Variants in ANXA8 observed in about 807,000 individuals in gnomAD.
ANXA8 encodes VAC-beta.
ANXA8 carries 9 observed loss-of-function variants against 26.8 expected under a neutral mutation model. The observed-to-expected ratio is 0.34, with a 90% CI of 0.20 to 0.59. The LOEUF is 0.59. ANXA8 is among the 20% of genes least tolerant of loss of function. ANXA8 has a pLI of 0.84. For synonymous variants in ANXA8, 39 were observed against 94.8 expected, an observed-to-expected ratio of 0.41 and a Z score of 3.42; for missense variants, 83 against 238.5, an observed-to-expected ratio of 0.35 and a Z score of 4.29.
chr10:47,944,101 G>A, the ANXA8 span, among the ~76,000 whole-genome samples: 1 of 146,546 alleles, frequency 6.8e-6, no homozygotes, highest in Non-Finnish European at 1.5e-5. Flanking sequence ...ATTTCTTACA[G>A]TTCTGGAGGC....
At chr10:47,663,390 ATT>A in the ANXA8 span, among the ~76,000 whole-genome samples, 95 of 120,922 alleles carry the variant, frequency 7.9e-4, 7 homozygotes, top group African/African-American at 2.5e-3. Flanking sequence ...GTTAAAAAAA[ATT>A]TTTTTTTTTT....
At chr10:47,589,130 C>T in the ANXA8 span, 1 of 146,602 alleles carries the variant, frequency 6.8e-6, no homozygotes, top group Non-Finnish European at 1.5e-5. Context: ...TACTTTCGTA[C>T]TTCCCAAGAG....
chr10:47,777,952 C>T, the ANXA8 span, among the ~76,000 whole-genome samples: 4 of 151,654 alleles, frequency 2.6e-5, no homozygotes, highest in African/African-American at 9.7e-5. Flanking sequence ...CCACTTTTTG[C>T]AGGTGCAGGT....
At chr10:47,930,778 G>A in the ANXA8 span, among the ~76,000 whole-genome samples, 1 of 150,996 alleles carries the variant, frequency 6.6e-6, no homozygotes, top group African/African-American at 2.4e-5. Context: ...TAGTTCATCA[G>A]TGGAGAGCTG....
chr10:47,503,133 G>C, the ANXA8 span: 1 of 1,610,780 alleles, frequency 6.2e-7, no homozygotes, highest in South Asian at 1.1e-5. Context: ...ATGTCCGAAG[G>C]TCAATCTCTT....
chr10:47,939,026 AAG>A, the ANXA8 span, among the ~76,000 whole-genome samples: 1 of 144,224 alleles, frequency 6.9e-6, no homozygotes, highest in Admixed American at 6.9e-5. Context: ...CAAGCCCCAC[AAG>A]AGTGTTCTAC....
the ANXA8 span, among the ~76,000 whole-genome samples, chr10:47,646,403 T>G: frequency 2.1e-5 from 3 of 144,200 alleles, no homozygotes; most frequent in Non-Finnish European, 4.5e-5. Flanking sequence ...ATTATACATT[T>G]TTTACTCATT....
the ANXA8 span, among the ~76,000 whole-genome samples, chr10:47,672,312 G>A: frequency 2.6e-5 from 4 of 151,386 alleles, no homozygotes; most frequent in Non-Finnish European, 5.9e-5. Context: ...GAAGCACTAA[G>A]TGTACACAGA....
chr10:47,684,440 G>C, the ANXA8 span, among the ~76,000 whole-genome samples: 1 of 151,808 alleles, frequency 6.6e-6, no homozygotes, highest in Non-Finnish European at 1.5e-5. Flanking sequence ...GGGGTGAGGA[G>C]GGTAGGGTAA....
the ANXA8 span, among the ~76,000 whole-genome samples, chr10:47,681,349 T>C: frequency 6.6e-6 from 1 of 151,230 alleles, no homozygotes; most frequent in South Asian, 2.1e-4. Context: ...AAGGCGTAAG[T>C]AGCAAAGTTC....
the ANXA8 span, among the ~76,000 whole-genome samples, chr10:47,949,541 T>A: frequency 6.6e-6 from 1 of 150,634 alleles, no homozygotes; most frequent in Admixed American, 6.6e-5. Flanking sequence ...AAAAGATAAT[T>A]GATTGTTTAA....
the ANXA8 span, among the ~76,000 whole-genome samples, chr10:47,724,528 A>G: frequency 7.1e-6 from 1 of 141,224 alleles, no homozygotes; most frequent in Non-Finnish European, 1.6e-5. Flanking sequence ...GTCTGACTCC[A>G]CAAGGCTGGT....
the ANXA8 span, among the ~76,000 whole-genome samples, chr10:47,689,250 G>A: frequency 6.6e-6 from 1 of 151,188 alleles, no homozygotes; most frequent in South Asian, 2.1e-4. Context: ...TGCAATCTAG[G>A]CTCACTGCAA....
chr10:47,736,817 G>T, the ANXA8 span, among the ~76,000 whole-genome samples: 1 of 144,568 alleles, frequency 6.9e-6, no homozygotes, highest in African/African-American at 2.5e-5. Flanking sequence ...ACCATGCCCA[G>T]CTAGTTTTTG....
chr10:47,975,706 C>T, the ANXA8 span, among the ~76,000 whole-genome samples: 18 of 151,124 alleles, frequency 1.2e-4, no homozygotes, highest in Admixed American at 8.6e-4. Flanking sequence ...AGATGCTCAC[C>T]TTGTAGTAAT....
chr10:47,953,618 C>A, the ANXA8 span, among the ~76,000 whole-genome samples: 1 of 150,194 alleles, frequency 6.7e-6, no homozygotes, highest in Non-Finnish European at 1.5e-5. Context: ...AGACAGCCTA[C>A]AGAATGGGAG....
chr10:47,969,988 T>G, the ANXA8 span: 1 of 151,316 alleles, frequency 6.6e-6, no homozygotes, highest in Non-Finnish European at 1.5e-5. Flanking sequence ...CATTTTAAAT[T>G]TATAAGCTTA....
At chr10:47,951,347 A>T in the ANXA8 span, among the ~76,000 whole-genome samples, 10 of 150,868 alleles carry the variant, frequency 6.6e-5, 1 homozygote, top group Non-Finnish European at 1.5e-5. Flanking sequence ...TCTCTAGTGA[A>T]TTCAATCAAA....
the ANXA8 span, among the ~76,000 whole-genome samples, chr10:47,755,167 G>T: frequency 6.6e-6 from 1 of 151,582 alleles, no homozygotes; most frequent in Admixed American, 6.6e-5. Context: ...ATGTTGGCCA[G>T]GATGGTCTTG....
Sources: allele counts gnomAD v4.1 joint callset (sites outside exome capture counted in the v4.1 genomes callset), GRCh38; gene constraint gnomAD v4.1.1; transcripts MANE v1.5; gene names NCBI Gene and HGNC (gene_info 2026-07-23, HGNC 2026-07-21).